TMTC2: variants seen among roughly 807,000 people sequenced by gnomAD.
TMTC2 encodes the protein transmembrane O-mannosyltransferase targeting cadherins 2.
TMTC2 carries 43 observed loss-of-function variants against 82.4 expected under a neutral mutation model. The observed-to-expected ratio is 0.52, with a 90% confidence interval of 0.41 to 0.67. TMTC2 has a LOEUF of 0.67. TMTC2 is among the 30% of genes least tolerant of loss of function. The probability of loss-of-function intolerance (pLI) is 0.00; values close to 1 mark genes in which losing one functional copy is unlikely to be tolerated. For missense variants in TMTC2, 919 were observed against 1,012.4 expected (o/e 0.91, Z 1.25); for synonymous variants, 408 against 381.9 (o/e 1.07, Z -0.80).
intron 1 of TMTC2, among the ~76,000 whole-genome samples, chr12:82,780,213 G>C (rs1457870240): frequency 1.3e-5 from 2 of 152,114 alleles, no homozygotes; most frequent in African/African-American, 4.8e-5. Context: ...TTGCATGCCT[G>C]CTGTGGATAA....
intron 8 of TMTC2, chr12:82,986,307 G>C: frequency 2.5e-6 from 1 of 395,480 alleles, no homozygotes; most frequent in Non-Finnish European, 4.7e-6. Flanking sequence ...CTTACATCTT[G>C]GTCTAGATAA....
intron 7 of TMTC2, among the ~76,000 whole-genome samples, chr12:82,972,753 A>G (rs1878505011): frequency 6.6e-6 from 1 of 152,200 alleles, no homozygotes; most frequent in Admixed American, 6.5e-5. Flanking sequence ...TCGTAAATTC[A>G]AATTCTACTT....
chr12:82,810,894 T>C (rs1462093020), intron 1 of TMTC2, among the ~76,000 whole-genome samples: 3 of 152,110 alleles, frequency 2.0e-5, no homozygotes, highest in African/African-American at 4.8e-5. Context: ...TCCCTCATGA[T>C]TGTAAGTTTC....
At chr12:82,725,507 A>G (rs1429749128) in intron 1 of TMTC2, among the ~76,000 whole-genome samples, 2 of 152,206 alleles carry the variant, frequency 1.3e-5, no homozygotes, top group Non-Finnish European at 2.9e-5. Context: ...TAAAATCCCA[A>G]TTGTTAATGG....
At chr12:82,991,384 GA>G (rs1229073156) in intron 8 of TMTC2, among the ~76,000 whole-genome samples, 1 of 152,030 alleles carries the variant, frequency 6.6e-6, no homozygotes, top group African/African-American at 2.4e-5. Context: ...CTTATTTTTA[GA>G]AACTATCTTT....
chr12:83,058,435 T>C (rs1882623556), intron 10 of TMTC2, among the ~76,000 whole-genome samples: 1 of 151,860 alleles, frequency 6.6e-6, no homozygotes, highest in South Asian at 2.1e-4. Flanking sequence ...TTTTTTCTTC[T>C]TCCTTACCCT....
At chr12:82,882,252 G>A (rs1388009145) in intron 2 of TMTC2, among the ~76,000 whole-genome samples, 1 of 151,876 alleles carries the variant, frequency 6.6e-6, no homozygotes, top group African/African-American at 2.4e-5. Flanking sequence ...GCCCGCCTCG[G>A]CCTCCCAAAG....
chr12:83,010,902 T>A (rs949028610), intron 8 of TMTC2, among the ~76,000 whole-genome samples: 1 of 152,218 alleles, frequency 6.6e-6, no homozygotes, highest in African/African-American at 2.4e-5. Context: ...TGGTGCGATC[T>A]CAGCTCACTG....
chr12:82,978,842 G>C lies in TMTC2; in HGVS notation c.1949-7083G>C, dbSNP rs151078159. 6.6e-5 allele frequency among the ~76,000 whole-genome samples: 10 copies of C among 151,730 alleles called. No homozygotes were observed. In the East Asian group the frequency reaches 1.7e-3, roughly 26 times the overall value. ...TATCTCTCTAGCCCTAATAATACTT[G>C]GTTTATATATCTGGGTTCTCCAGAG... On this transcript the variant is annotated intron_variant, in intron 7 of 11. Coordinates refer to ENST00000321196, the MANE Select transcript of TMTC2 (RefSeq NM_152588.3).
chr12:83,084,090 A>AT (rs888685253), intron 11 of TMTC2, among the ~76,000 whole-genome samples: 1 of 152,134 alleles, frequency 6.6e-6, no homozygotes, highest in African/African-American at 2.4e-5. Flanking sequence ...TAGGAGCTCT[A>AT]TTTAATTTTG....
chr12:82,857,204 T>A lies in TMTC2; in HGVS notation c.278T>A (p.Leu93Gln). The A allele has an allele frequency of 6.2e-7, 1 of 1,614,202 alleles. No homozygotes were observed. Among genetic ancestry groups the A allele is most frequent in the Non-Finnish European group, 8.5e-7 (1 of 1,180,044 alleles). ...NPWSYHLVNV[L>Q]LHAAVTGLFT... ...TGGAGCTACCATCTTGTCAATGTCC[T>A]GTTGCATGCAGCAGTCACTGGTCTC... Residue 93 changes from leucine (L) to glutamine (Q), a missense_variant, in exon 2 of 12, where the codon CTG becomes CAG. Coordinates refer to ENST00000321196, the MANE Select transcript of TMTC2 (RefSeq NM_152588.3).
Position 82,779,736 on chromosome 12 carries a change from T to TA in TMTC2, c.84-77269dup, listed in dbSNP as rs1877797073. Among the ~76,000 whole-genome samples the TA allele has an allele frequency of 5.3e-5, 8 of 152,104 alleles. No homozygotes were observed. In the South Asian group the frequency reaches 1.7e-3, roughly 32 times the overall value. On this transcript the variant is annotated intron_variant, in intron 1 of 11. Coordinates refer to ENST00000321196, the MANE Select transcript of TMTC2 (RefSeq NM_152588.3). ...CAATATGGTGAAACCCTGTCTCTAC[T>TA]AAAAACTACAAAAATTAGCCGGGTG...
rs189389375 is a variant in TMTC2, at chr12:83,062,589, A to G, written c.2331+758A>G. Among the ~76,000 whole-genome samples the G allele has an allele frequency of 5.6e-4, 85 of 151,956 alleles. 1 individual carries two copies. Among genetic ancestry groups the G allele is most frequent in the African/African-American group, 2.0e-3 (85 of 41,516 alleles). On this transcript the variant is annotated intron_variant, in intron 11 of 11. Coordinates refer to ENST00000321196, the MANE Select transcript of TMTC2 (RefSeq NM_152588.3). ...TTTTGTAACAGTAATGAAAGTGCAC[A>G]TGTGATGTGAGTGCAAATAATGGGA...
Position 83,132,581 on chromosome 12 carries a change from G to C in TMTC2, c.*192G>C. 8.4e-6 allele frequency: 5 copies of C among 594,490 alleles called. No homozygotes were observed. Among genetic ancestry groups the C allele is most frequent in the Non-Finnish European group, 1.4e-5 (5 of 357,300 alleles). The allele number at this position is 594,490 out of a possible 1,614,324, so 36.8% of individuals were successfully genotyped here. On this transcript the variant is annotated 3_prime_UTR_variant, in exon 12 of 12. Coordinates refer to ENST00000321196, the MANE Select transcript of TMTC2 (RefSeq NM_152588.3). ...AGCTGTTAACACCAAAAAGGGGAAAGCCGGAAACCTCCTGGAGGATGTCAT... is the reference window on the plus strand; with the variant it reads ...AGCTGTTAACACCAAAAAGGGGAAACCCGGAAACCTCCTGGAGGATGTCAT...
chr12:82,797,110 C>T (rs1395812072), intron 1 of TMTC2, among the ~76,000 whole-genome samples: 1 of 152,042 alleles, frequency 6.6e-6, no homozygotes, highest in Non-Finnish European at 1.5e-5. Context: ...TTACATTGTT[C>T]GTAGTATCAT....
chr12:82,920,405 T>G (rs1875317981), intron 3 of TMTC2, among the ~76,000 whole-genome samples: 1 of 152,180 alleles, frequency 6.6e-6, no homozygotes, highest in South Asian at 2.1e-4. Context: ...GACCTCACAT[T>G]TGATTTTCTC....
intron 11 of TMTC2, among the ~76,000 whole-genome samples, chr12:83,069,543 T>A (rs1883034582): frequency 6.6e-6 from 1 of 152,186 alleles, no homozygotes; most frequent in South Asian, 2.1e-4. Flanking sequence ...TTGATGGGAT[T>A]GTTTGATTTT....
chr12:82,830,341 C>G (rs1022136024), intron 1 of TMTC2, among the ~76,000 whole-genome samples: 2 of 151,906 alleles, frequency 1.3e-5, no homozygotes, highest in African/African-American at 4.8e-5. Flanking sequence ...CTTCCTTAGC[C>G]CACTCTCGGT....
chr12:83,030,801 C>T lies in TMTC2; in HGVS notation c.2074C>T (p.Arg692Cys), dbSNP rs773634449. Reference sequence around the variant, plus strand: ...TCCATTTTCTCTGTTTTTCAAGGGTCGTAAGAGTGAGGCTGAAAAGCTCTT... The same window carrying T: ...TCCATTTTCTCTGTTTTTCAAGGGTTGTAAGAGTGAGGCTGAAAAGCTCTT... ...TYGKLLALTG[R>C]KSEAEKLFLK... is the part of the protein sequence containing the mutation. The change falls in exon 9 of 12, where the codon CGT becomes TGT. Residue 692 changes from arginine to cysteine, a missense_variant. Arg to Cys is a radical substitution (Grantham distance 180). Coordinates refer to ENST00000321196, the MANE Select transcript of TMTC2 (RefSeq NM_152588.3). 8 of 1,612,300 alleles carry T rather than the reference C, an allele frequency of 5.0e-6. No individual in the cohort carries two copies. Among genetic ancestry groups the T allele is most frequent in the Middle Eastern group, 1.7e-4 (1 of 6,058 alleles).
Sources: allele counts gnomAD v4.1 joint callset (sites outside exome capture counted in the v4.1 genomes callset), GRCh38; gene constraint gnomAD v4.1.1; transcripts MANE v1.5; gene names NCBI Gene and HGNC (gene_info 2026-07-23, HGNC 2026-07-21).